The following PTPRN2 variants were observed in gnomAD, a reference collection of about 807,000 sequenced individuals.
PTPRN2 encodes receptor-type tyrosine-protein phosphatase N2.
A neutral mutation model predicts 118.8 loss-of-function variants in PTPRN2; 74 were observed. The ratio of observed to expected loss-of-function variants is 0.62; its 90% CI spans 0.52 to 0.76. The LOEUF is 0.76. Ranked by LOEUF, PTPRN2 falls within the 30% of genes least tolerant of loss-of-function variation. The pLI, the probability that PTPRN2 is intolerant of heterozygous loss-of-function variation, is 0.00. For missense variants in PTPRN2, 1,481 were observed against 1,394.4 expected, an observed-to-expected ratio of 1.06 and a Z score of -0.99; for synonymous variants, 641 against 608.0, an observed-to-expected ratio of 1.05 and a Z score of -0.80.
intron 12 of PTPRN2, among the ~76,000 whole-genome samples, chr7:157,746,631 A>G (rs1451741093): frequency 7.6e-6 from 1 of 132,046 alleles, no homozygotes; most frequent in Admixed American, 7.5e-5. Context: ...CCAACAGCAT[A>G]GAGATCACGG....
chr7:158,109,413 CT>C (rs1230474896), intron 10 of PTPRN2, among the ~76,000 whole-genome samples: 3 of 151,052 alleles, frequency 2.0e-5, no homozygotes, highest in Admixed American at 1.3e-4. Flanking sequence ...GACATCACCC[CT>C]GTGTGAAGAC....
chr7:157,736,514 C>T (rs1166042334), intron 12 of PTPRN2, among the ~76,000 whole-genome samples: 3 of 152,216 alleles, frequency 2.0e-5, no homozygotes, highest in Non-Finnish European at 1.5e-5. Context: ...TGTCCACAAG[C>T]CCGGGAGAGA....
intron 2 of PTPRN2, among the ~76,000 whole-genome samples, chr7:158,336,871 C>T (rs1292505276): frequency 2.0e-5 from 2 of 102,030 alleles, no homozygotes; most frequent in Admixed American, 1.9e-4. Flanking sequence ...GAGCTGTCGC[C>T]CGCACAGGTC....
intron 12 of PTPRN2, among the ~76,000 whole-genome samples, chr7:157,701,647 G>T (rs1798071608): frequency 6.6e-6 from 1 of 152,238 alleles, no homozygotes; most frequent in Non-Finnish European, 1.5e-5. Context: ...CAGCCATGCA[G>T]ACTTTATCCT....
In PTPRN2 at chr7:158,408,729, A is replaced by T. The variant is rs528582789; in HGVS notation, c.163+81006T>A. On this transcript the variant is annotated intron_variant, in intron 2 of 22. Coordinates refer to ENST00000389418, the MANE Select transcript of PTPRN2 (RefSeq NM_002847.5). ...TGACCACCCTTCGTGACCGGACTAC[A>T]GCAATAACTAAGCCAGTGGGGTAGG... 2.0e-4 allele frequency among the ~76,000 whole-genome samples: 30 copies of T among 152,356 alleles called. 1 individual carries two copies. The highest frequency in any genetic ancestry group is 1.1e-3 in the Admixed American group (17 of 15,312).
In PTPRN2 at chr7:158,136,792, G is replaced by A. The variant is rs537415695; in HGVS notation, c.1133-97C>T. ...GGTGACCCTGCAGACCCCTCCATAC[G>A]AAAGGTGAGGTGTGATGACGCTGGC... On this transcript the variant is annotated intron_variant, in intron 7 of 22. Coordinates refer to ENST00000389418, the MANE Select transcript of PTPRN2 (RefSeq NM_002847.5). 2.2e-5 allele frequency: 25 copies of A among 1,136,294 alleles called. 1 individual carries two copies. The highest frequency in any genetic ancestry group is 3.7e-5 in the Admixed American group (2 of 54,616). The allele number at this position is 1,136,294 out of a possible 1,614,324, so 70.4% of individuals were successfully genotyped here. A position where few individuals can be genotyped will look rare whatever the true frequency, so the allele number is the denominator to read the frequency against.
intron 22 of PTPRN2, among the ~76,000 whole-genome samples, chr7:157,542,063 T>C (rs564300279): frequency 4.5e-4 from 68 of 152,228 alleles, no homozygotes; most frequent in Admixed American, 1.2e-3. Flanking sequence ...GCCCCGTCTC[T>C]CTCCCCTCTG....
At chr7:158,422,018 T>C (rs1815294977) in intron 2 of PTPRN2, among the ~76,000 whole-genome samples, 1 of 152,242 alleles carries the variant, frequency 6.6e-6, no homozygotes, top group Admixed American at 6.5e-5. Flanking sequence ...AGTTTGGTTC[T>C]TGGCAATCAA....
rs932804153 is a variant in PTPRN2, at chr7:157,869,744, G to A, written c.1788+28929C>T. On this transcript the variant is annotated intron_variant, in intron 12 of 22. Coordinates refer to ENST00000389418, the MANE Select transcript of PTPRN2 (RefSeq NM_002847.5). This position sits in a 1 kb window ranked among gnomAD's most constrained non-coding sequence, Gnocchi z 4.2. ...ATTGCCCGTGTTTGATGAGAGGAGT[G>A]AGCTGAAGCCTTGTCCTGGTGGAGA... Among the ~76,000 whole-genome samples the A allele has an allele frequency of 2.6e-5, 4 of 152,224 alleles. No homozygotes were observed. The highest frequency in any genetic ancestry group is 5.9e-5 in the Non-Finnish European group (4 of 68,044).
At chr7:157,645,176 C>A (rs1339097314) in intron 14 of PTPRN2, among the ~76,000 whole-genome samples, 5 of 152,240 alleles carry the variant, frequency 3.3e-5, no homozygotes, top group African/African-American at 1.2e-4. Flanking sequence ...ACTTGGCAGG[C>A]TTTCGAGGCT....
chr7:157,792,557 G>A (rs962968115), intron 12 of PTPRN2, among the ~76,000 whole-genome samples: 3 of 152,224 alleles, frequency 2.0e-5, no homozygotes, highest in African/African-American at 7.2e-5. Flanking sequence ...CAGGGCATCT[G>A]CTAGTCGTCT....
chr7:158,469,871 T>C lies in PTPRN2; in HGVS notation c.163+19864A>G, dbSNP rs377248085. 3.4e-4 allele frequency among the ~76,000 whole-genome samples: 49 copies of C among 144,934 alleles called. 1 individual carries two copies. The South Asian group carries it at 9.2e-3, about 27-fold the overall frequency. The stretch of plus-strand genomic sequence containing the variant: ...CCATAACAGGAGCTGGGATTTGTCC[T>C]AGTGCATCATAAAAGAATTGGGAGC... On this transcript the variant is annotated intron_variant, in intron 2 of 22. Transcript: ENST00000389418.
chr7:157,982,296 TCC>T, intron 11 of PTPRN2, among the ~76,000 whole-genome samples: 1 of 16,862 alleles, frequency 5.9e-5, no homozygotes, highest in Non-Finnish European at 1.1e-4. Context: ...GAGTGCAGGG[TCC>T]CCCCAAACCC....
intron 12 of PTPRN2, among the ~76,000 whole-genome samples, chr7:157,846,109 C>T (rs1024396931): frequency 2.6e-5 from 4 of 152,044 alleles, no homozygotes; most frequent in Non-Finnish European, 5.9e-5. Context: ...CGCCAGGAAG[C>T]GAGATTCACG....
Position 157,974,273 on chromosome 7 carries a change from G to A in PTPRN2, c.1724-75536C>T, listed in dbSNP as rs543679361. ...ACTAGCATTTTCTCATCTCCAGCAC[G>A]GTGTCAATGGTGCCACTCCAGCCGG... On this transcript the variant is annotated intron_variant, in intron 11 of 22. Coordinates refer to ENST00000389418, the MANE Select transcript of PTPRN2 (RefSeq NM_002847.5). This position sits in a 1 kb window ranked among gnomAD's most constrained non-coding sequence, Gnocchi z 4.0. Among the ~76,000 whole-genome samples the A allele has an allele frequency of 2.2e-4, 34 of 152,302 alleles. No individual in the cohort carries two copies. The highest frequency in any genetic ancestry group is 1.2e-3 in the East Asian group (6 of 5,180).
At chr7:158,428,025 CCTAGCTGAGTCCTGCATACCTAA>C (rs1292062636) in intron 2 of PTPRN2, among the ~76,000 whole-genome samples, 1 of 151,932 alleles carries the variant, frequency 6.6e-6, no homozygotes, top group Non-Finnish European at 1.5e-5. Context: ...CCGAGACCAG[CCTAGCTGAGTCCTGCATACCTAA>C]CTCCGCCGAG....
intron 11 of PTPRN2, among the ~76,000 whole-genome samples, chr7:158,000,614 T>TGG (rs1344545154): frequency 7.3e-5 from 1 of 13,666 alleles, no homozygotes; most frequent in African/African-American, 2.3e-4. Context: ...GGGAGCAGGG[T>TGG]GGGGCTGGGG....
At chr7:157,877,371 G>C (rs1378862237) in intron 12 of PTPRN2, among the ~76,000 whole-genome samples, 1 of 150,918 alleles carries the variant, frequency 6.6e-6, no homozygotes. Context: ...CCACACTAGA[G>C]TTTTCTCGGG....
At chr7:158,333,703 A>G (rs1362824155) in intron 2 of PTPRN2, among the ~76,000 whole-genome samples, 2 of 150,290 alleles carry the variant, frequency 1.3e-5, no homozygotes, top group Non-Finnish European at 3.0e-5. Context: ...CACTGTCACC[A>G]TAAGAGCTGA....
Sources: gnomAD v4.1 joint callset for allele counts (sites outside exome capture counted in the v4.1 genomes callset) on GRCh38, gnomAD v4.1.1 for gene constraint, Gnocchi (gnomAD v3.1) non-coding constraint, MANE v1.5 for transcripts, NCBI Gene and HGNC (gene_info 2026-07-23, HGNC 2026-07-21) for gene names.